Variants in MAP2 observed in about 807,000 individuals in gnomAD.
The protein encoded by MAP2 is microtubule associated protein 2, also known as microtubule-associated protein 2.
Under a neutral mutation model 137.6 loss-of-function variants are expected in MAP2, and 14 were observed. The observed-to-expected ratio is 0.10, with a 90% CI of 0.07 to 0.16. The LOEUF (loss-of-function observed/expected upper bound fraction) is 0.16, where lower values mean the gene tolerates loss of function less well. Among genes scored for constraint, MAP2 ranks in the 10% least tolerant of loss-of-function variants. The probability of loss-of-function intolerance (pLI) is 1.00; values close to 1 mark genes in which losing one functional copy is unlikely to be tolerated. For missense variants in MAP2, 2,088 were observed against 2,191.5 expected (o/e 0.95, Z 0.94); for synonymous variants, 786 against 782.3 (o/e 1.00, Z -0.08).
At chr2:209,426,004 G>A (rs1010273509) in intron 1 of MAP2, among the ~76,000 whole-genome samples, 2 of 151,652 alleles carry the variant, frequency 1.3e-5, no homozygotes, top group East Asian at 1.9e-4. Flanking sequence ...AAGAAAAAAG[G>A]CATTTTTCTC....
At chr2:209,563,009 A>G (rs974697499) in intron 2 of MAP2, among the ~76,000 whole-genome samples, 5 of 152,142 alleles carry the variant, frequency 3.3e-5, no homozygotes, top group African/African-American at 1.2e-4. Flanking sequence ...GATTATTCAC[A>G]TTATGCACAT....
At chr2:209,634,695 G>C (rs890258587) in intron 4 of MAP2, among the ~76,000 whole-genome samples, 3 of 152,192 alleles carry the variant, frequency 2.0e-5, no homozygotes, top group African/African-American at 7.2e-5. Context: ...GTTATACCAA[G>C]GGAAAATCTG....
chr2:209,425,962 C>T (rs563263286), intron 1 of MAP2, among the ~76,000 whole-genome samples: 7 of 152,250 alleles, frequency 4.6e-5, no homozygotes, highest in African/African-American at 1.7e-4. Flanking sequence ...TCCAAAAGCC[C>T]CAGCCCCATG....
At chr2:209,705,061 A>G (rs1256561735) in intron 11 of MAP2, among the ~76,000 whole-genome samples, 1 of 152,044 alleles carries the variant, frequency 6.6e-6, no homozygotes, top group African/African-American at 2.4e-5. Flanking sequence ...TTGTCTTGAA[A>G]CAATTATATA....
intron 14 of MAP2, among the ~76,000 whole-genome samples, chr2:209,726,356 A>C (rs572193583): frequency 1.3e-5 from 2 of 152,338 alleles, no homozygotes; most frequent in Non-Finnish European, 2.9e-5. Flanking sequence ...AGTGCCCTAA[A>C]GTAGAATTTA....
chr2:209,612,073 G>A (rs1423474754), intron 3 of MAP2, among the ~76,000 whole-genome samples: 1 of 152,288 alleles, frequency 6.6e-6, no homozygotes, highest in Non-Finnish European at 1.5e-5. Context: ...ACCCAAGAGA[G>A]ATGGCTCTGT....
At chr2:209,435,027 T>TA (rs1368881380) in intron 1 of MAP2, among the ~76,000 whole-genome samples, 2 of 149,128 alleles carry the variant, frequency 1.3e-5, no homozygotes, top group African/African-American at 4.9e-5. Context: ...ATATCCAAAA[T>TA]ATGGGCTTTT....
chr2:209,503,690 C>G (rs1576503948), intron 1 of MAP2, among the ~76,000 whole-genome samples: 1 of 152,084 alleles, frequency 6.6e-6, no homozygotes, highest in South Asian at 2.1e-4. Flanking sequence ...TAATGTAAGA[C>G]AAGGATGGGA....
intron 2 of MAP2, among the ~76,000 whole-genome samples, chr2:209,522,143 C>CA (rs1046300029): frequency 1.3e-5 from 2 of 149,004 alleles, no homozygotes; most frequent in Admixed American, 6.7e-5. Flanking sequence ...GATGGGCCTC[C>CA]TTTTTTTTTT....
intron 3 of MAP2, among the ~76,000 whole-genome samples, chr2:209,617,368 A>T (rs1042803743): frequency 2.0e-5 from 3 of 152,138 alleles, no homozygotes; most frequent in Admixed American, 2.0e-4. Flanking sequence ...TTCTTGCCAA[A>T]CCTACCTAAT....
At chr2:209,673,708 T>C (rs1195239243) in intron 5 of MAP2, among the ~76,000 whole-genome samples, 12 of 151,844 alleles carry the variant, frequency 7.9e-5, no homozygotes, top group Non-Finnish European at 1.8e-4. Flanking sequence ...TGAATAATAA[T>C]TCCCCAATTT....
At chr2:209,508,411 T>C (rs1016889928) in intron 2 of MAP2, among the ~76,000 whole-genome samples, 1 of 152,104 alleles carries the variant, frequency 6.6e-6, no homozygotes, top group Non-Finnish European at 1.5e-5. Context: ...CATTGGCTTT[T>C]CATTTGCCCT....
intron 1 of MAP2, among the ~76,000 whole-genome samples, chr2:209,486,023 T>C (rs1322474428): frequency 6.6e-6 from 1 of 152,226 alleles, no homozygotes; most frequent in Non-Finnish European, 1.5e-5. Flanking sequence ...CTTTATCTTC[T>C]TCATAGCAGT....
At chr2:209,425,316 C>T (rs1692247465) in intron 1 of MAP2, among the ~76,000 whole-genome samples, 1 of 152,174 alleles carries the variant, frequency 6.6e-6, no homozygotes, top group South Asian at 2.1e-4. Flanking sequence ...AAATTGAGTC[C>T]GGTGTAAAGG....
intron 2 of MAP2, among the ~76,000 whole-genome samples, chr2:209,522,368 A>G (rs2063406424): frequency 6.6e-6 from 1 of 152,158 alleles, no homozygotes; most frequent in African/African-American, 2.4e-5. Context: ...GCAGGAAAAT[A>G]AAATGATTTG....
At chr2:209,616,630 T>C (rs2089500652) in intron 3 of MAP2, among the ~76,000 whole-genome samples, 1 of 152,244 alleles carries the variant, frequency 6.6e-6, no homozygotes, top group Non-Finnish European at 1.5e-5. Context: ...TGTTCATTCA[T>C]TGGTTGAATA....
chr2:209,470,817 G>T (rs937431515), intron 1 of MAP2, among the ~76,000 whole-genome samples: 1 of 151,952 alleles, frequency 6.6e-6, no homozygotes, highest in Non-Finnish European at 1.5e-5. Flanking sequence ...CCTTTTTGAG[G>T]GCAAAAACCA....
intron 1 of MAP2, among the ~76,000 whole-genome samples, chr2:209,482,477 C>G (rs184066022): frequency 2.0e-5 from 3 of 152,278 alleles, no homozygotes; most frequent in African/African-American, 7.2e-5. Context: ...AAAGCTATGT[C>G]AGTTCTTTCC....
At chr2:209,702,219 G>A (rs1281777532) in intron 11 of MAP2, among the ~76,000 whole-genome samples, 1 of 151,988 alleles carries the variant, frequency 6.6e-6, no homozygotes, top group Non-Finnish European at 1.5e-5. Context: ...GATAGAATCA[G>A]CACTTGGAAC....
Sources: gnomAD v4.1 joint callset for allele counts (sites outside exome capture counted in the v4.1 genomes callset) on GRCh38, gnomAD v4.1.1 for gene constraint, MANE v1.5 for transcripts, NCBI Gene and HGNC (gene_info 2026-07-23, HGNC 2026-07-21) for gene names.